Variants in MPP4 observed in about 807,000 individuals in gnomAD.
The protein encoded by MPP4 is MAGUK p55 scaffold protein 4, also known as MAGUK p55 subfamily member 4.
In MPP4, 91 loss-of-function variants were observed where a neutral mutation model predicts 98.3. The ratio of observed to expected loss-of-function variants is 0.93; its 90% CI spans 0.78 to 1.10. The LOEUF is 1.10. Among genes scored for constraint, MPP4 ranks in the 50% least tolerant of loss-of-function variants. The pLI is 0.00. For synonymous variants in MPP4, 261 were observed against 271.8 expected (o/e 0.96, Z 0.39); for missense variants, 744 against 792.9 (o/e 0.94, Z 0.74).
At chr2:201,673,890 T>C (rs1187984903) in intron 11 of MPP4, among the ~76,000 whole-genome samples, 1 of 152,242 alleles carries the variant, frequency 6.6e-6, no homozygotes. Flanking sequence ...TCCGTCCTTC[T>C]GGTGCCCAGT....
intron 4 of MPP4, among the ~76,000 whole-genome samples, chr2:201,687,653 G>A (rs1048825890): frequency 6.6e-6 from 1 of 152,090 alleles, no homozygotes; most frequent in African/African-American, 2.4e-5. Flanking sequence ...GTACCAATTT[G>A]GTAACAGCAT....
chr2:201,695,463 A>G (rs1339692081), intron 1 of MPP4, among the ~76,000 whole-genome samples: 1 of 152,222 alleles, frequency 6.6e-6, no homozygotes, highest in African/African-American at 2.4e-5. Context: ...TTTTCTTTAC[A>G]TATAAACACA....
intron 10 of MPP4, 96 bp downstream of exon 10, chr2:201,680,742 C>G: frequency 1.8e-6 from 2 of 1,086,256 alleles, no homozygotes; most frequent in South Asian, 3.2e-5. Flanking sequence ...ATCTGCTTGT[C>G]CCTCTTTATC....
chr2:201,674,043 G>A (rs949456182), intron 11 of MPP4, among the ~76,000 whole-genome samples: 1 of 152,176 alleles, frequency 6.6e-6, no homozygotes. Flanking sequence ...CCACTCCCCA[G>A]CTGCTTGAAT....
intron 13 of MPP4, among the ~76,000 whole-genome samples, chr2:201,664,771 A>T (rs924342090): frequency 7.2e-5 from 11 of 152,230 alleles, no homozygotes; most frequent in African/African-American, 2.2e-4. Context: ...GTAAAATGAT[A>T]TAGTTATAAG....
chr2:201,647,423 A>G (rs907840687), intron 21 of MPP4, among the ~76,000 whole-genome samples: 2 of 152,208 alleles, frequency 1.3e-5, no homozygotes, highest in Admixed American at 1.3e-4. Flanking sequence ...TCTGTAAGTG[A>G]TGTCCATCCA....
At chr2:201,684,968 A>T in intron 7 of MPP4, 96 bp downstream of exon 7, 1 of 1,115,482 alleles carries the variant, frequency 9.0e-7, no homozygotes, top group Non-Finnish European at 1.3e-6. Context: ...AAAGAAAAAA[A>T]AAAAGAAAAA....
chr2:201,687,336 A>C lies in MPP4; in HGVS notation c.315T>G (p.Pro105=). The C allele has an allele frequency of 6.3e-7, 1 of 1,584,174 alleles. No individual in the cohort carries two copies. The highest frequency in any genetic ancestry group is 1.3e-5 in the African/African-American group (1 of 74,550). The stretch of plus-strand genomic sequence containing the variant: ...GCATTTGTCTCAGCTCTTGGATCTC[A>C]GGGGAAGTAGGGGTTTCACGTAATA... ...VELLRETPTS[P]EIQELRQMLQ... Residue 105 remains proline, a synonymous_variant, in exon 5 of 22, where the codon CCT becomes CCG. Transcript: ENST00000409474.
intron 10 of MPP4, among the ~76,000 whole-genome samples, chr2:201,678,000 C>T: frequency 6.6e-6 from 1 of 152,144 alleles, no homozygotes; most frequent in East Asian, 1.9e-4. Context: ...TCAGGAGAGT[C>T]CGAGGTGCCT....
intron 18 of MPP4, among the ~76,000 whole-genome samples, chr2:201,652,388 G>A (rs1687737740): frequency 6.6e-6 from 1 of 151,910 alleles, no homozygotes; most frequent in Non-Finnish European, 1.5e-5. Flanking sequence ...GAACTCATGG[G>A]GCAGAGGTTC....
In MPP4 at chr2:201,685,197, A is replaced by G. The variant is rs192318218; in HGVS notation, c.493-52T>C. 84 of 1,457,910 alleles carry G rather than the reference A, an allele frequency of 5.8e-5. No homozygotes were observed. In the East Asian group the frequency reaches 1.8e-3, roughly 32 times the overall value. The allele number at this position is 1,457,910 out of a possible 1,614,324, so 90.3% of individuals were successfully genotyped here. ...CTGTTACCTGACATGACCATTTTCC[A>G]GGTGGCTTCCCTCAATCAATGCAGC... On this transcript the variant is annotated intron_variant, in intron 6 of 21. Transcript: ENST00000409474.
Position 201,690,261 on chromosome 2 carries a change from C to T in MPP4, c.220G>A (p.Glu74Lys). 6.2e-7 allele frequency: 1 copy of T among 1,606,582 alleles called. No individual in the cohort carries two copies. Among genetic ancestry groups the T allele is most frequent in the Non-Finnish European group, 8.5e-7 (1 of 1,176,278 alleles). Residue 74 changes from glutamate to lysine, a missense_variant, in exon 4 of 22, where the codon GAA becomes AAA. Glu to Lys is a moderately conservative substitution (Grantham distance 56). Transcript: ENST00000409474. Reference protein sequence around the residue: ...ALLKIYDCLQEFKEKKLVPAT... With the variant: ...ALLKIYDCLQKFKEKKLVPAT... Reference sequence around the variant, plus strand: ...GGAACTAGTTTCTTTTCTTTAAATTCCTGGAGGCAGTCATAAATCTGCAGA... The same window carrying T: ...GGAACTAGTTTCTTTTCTTTAAATTTCTGGAGGCAGTCATAAATCTGCAGA...
intron 1 of MPP4, chr2:201,697,833 T>G: frequency 1.6e-6 from 1 of 638,006 alleles, no homozygotes; most frequent in Non-Finnish European, 2.0e-6. Context: ...AAGGAGGTAT[T>G]CAGTAGAGTT....
At chr2:201,664,222 T>C in intron 13 of MPP4, 121 bp from the exon 14 acceptor site, 4 of 1,495,938 alleles carry the variant, frequency 2.7e-6, no homozygotes, top group Non-Finnish European at 3.6e-6. Flanking sequence ...TTTGTAAAGT[T>C]TTTTTCCTAA....
At chr2:201,683,000 T>G in intron 7 of MPP4, 84 bp from the exon 8 acceptor site, 1 of 981,932 alleles carries the variant, frequency 1.0e-6, no homozygotes, top group South Asian at 1.3e-5. Flanking sequence ...GCTATTTAAC[T>G]CACTAACCCA....
At chr2:201,687,406 T>TA (rs1349630728) in intron 4 of MPP4, 35 bp from the exon 5 acceptor site, 7 of 1,515,116 alleles carry the variant, frequency 4.6e-6, no homozygotes, top group Non-Finnish European at 5.4e-6. Context: ...ATAAAAATTT[T>TA]AAAAAATCTT....
In MPP4 at chr2:201,669,729, T is replaced by C; in HGVS notation, c.1012+4A>G. 6.9e-7 allele frequency: 1 copy of C among 1,442,648 alleles called. No homozygotes were observed. Among genetic ancestry groups the C allele is most frequent in the South Asian group, 1.6e-5 (1 of 63,422 alleles). 89.4% of individuals were successfully genotyped at this position (1,442,648 alleles called of 1,614,324 possible). On this transcript the variant is annotated splice_donor_region_variant and intron_variant, in intron 12 of 21. Coordinates refer to ENST00000409474, the MANE Select transcript of MPP4 (RefSeq NM_033066.3). ...AGAGTTTTTTCCTAAATACTATTTC[T>C]TACCTTCTTCCATAGAAATTGCTGA...
At chr2:201,670,246 T>C (rs905889810) in intron 11 of MPP4, among the ~76,000 whole-genome samples, 8 of 152,202 alleles carry the variant, frequency 5.3e-5, no homozygotes, top group African/African-American at 9.6e-5. Context: ...AATTGCCCTA[T>C]ATCTTTGGAC....
In MPP4 at chr2:201,693,854, A is replaced by C. The variant is rs759713676; in HGVS notation, c.79+22T>G. 4 of 1,613,632 alleles carry C rather than the reference A, an allele frequency of 2.5e-6. No homozygotes were observed. The African/African-American group carries it at 4.0e-5, about 16-fold the overall frequency. ...GGTGATATTACTTTCTGGTCTAGAA[A>C]AGGAGTCCTGGTGACACATACCATT... On this transcript the variant is annotated intron_variant, in intron 2 of 21. Coordinates refer to ENST00000409474, the MANE Select transcript of MPP4 (RefSeq NM_033066.3).
Sources: gnomAD v4.1 joint callset for allele counts (sites outside exome capture counted in the v4.1 genomes callset) on GRCh38, gnomAD v4.1.1 for gene constraint, MANE v1.5 for transcripts, NCBI Gene and HGNC (gene_info 2026-07-23, HGNC 2026-07-21) for gene names.